Variants in PSG8 observed in about 807,000 individuals in gnomAD.
The protein encoded by PSG8 is pregnancy-specific beta-1-glycoprotein 8.
PSG8 carries 57 observed loss-of-function variants against 42.5 expected under a neutral mutation model. The observed-to-expected ratio is 1.34, with a 90% CI of 1.08 to 1.67. The LOEUF (loss-of-function observed/expected upper bound fraction) is 1.67. Ranked by LOEUF, PSG8 falls within the 40% of genes most tolerant of loss-of-function variation. The pLI, the probability that PSG8 is intolerant of heterozygous loss-of-function variation, is 0.00. For missense variants in PSG8, 783 were observed against 518.6 expected, an observed-to-expected ratio of 1.51 and a Z score of -4.95; for synonymous variants, 280 against 196.8, an observed-to-expected ratio of 1.42 and a Z score of -3.54.
At chr19:42,760,274 G>A (rs1970039615) in intron 2 of PSG8, among the ~76,000 whole-genome samples, 1 of 152,072 alleles carries the variant, frequency 6.6e-6, no homozygotes, top group Non-Finnish European at 1.5e-5. Context: ...ATGTGGCAAA[G>A]GCAGTAAAAC....
chr19:42,753,299 G>A (rs1300290278), downstream of PSG8: 2 of 780,234 alleles, frequency 2.6e-6, no homozygotes, highest in Non-Finnish European at 4.8e-6. Context: ...TTCTGGAACA[G>A]AGTGGGTCTT....
downstream of PSG8, chr19:42,754,006 C>G (rs774563065): frequency 1.3e-6 from 1 of 773,898 alleles, no homozygotes; most frequent in East Asian, 3.5e-5. Context: ...AGAAAAATTC[C>G]GTCAATGTAG....
At chr19:42,758,947 G>A (rs748164162) in intron 2 of PSG8, 27 of 155,074 alleles carry the variant, frequency 1.7e-4, no homozygotes, top group Admixed American at 3.7e-4. Context: ...ATGACCTACA[G>A]AGAGTGAAGG....
chr19:42,755,706 G>C (rs1969907769), intron 3 of PSG8: 1 of 214,690 alleles, frequency 4.7e-6, no homozygotes, highest in African/African-American at 2.3e-5. Flanking sequence ...TTCTAGAGAT[G>C]AGTAATGATG....
chr19:42,754,578 T>C lies in PSG8; in HGVS notation c.998A>G (p.Asp333Gly), dbSNP rs1969867220. The part of the protein sequence containing the change: ...PVTLNVLYGP[D>G]LPRIYPSFTY... ...GAATGAAGGGTAAATTCTGGGGAGG[T>C]CTGGACCATCTGGAGCAAAGAGAAT... The change falls in exon 5 of 5, where the codon GAC becomes GGC. Residue 333 changes from aspartate to glycine, a missense_variant. Asp to Gly is a moderately conservative substitution (Grantham distance 94, BLOSUM62 -1). Transcript: ENST00000306511. 2.5e-6 allele frequency: 4 copies of C among 1,611,096 alleles called. No homozygotes were observed. The highest frequency in any genetic ancestry group is 3.4e-6 in the Non-Finnish European group (4 of 1,178,234).
intron 3 of PSG8, 186 bp from the exon 4 acceptor site, chr19:42,755,452 G>T: frequency 7.9e-7 from 1 of 1,266,466 alleles, no homozygotes; most frequent in East Asian, 2.4e-5. Flanking sequence ...GAGGCCAGCT[G>T]CTCTGTCTTA....
At chr19:42,752,811 T>C (rs1442765588), downstream of PSG8, 1 of 190,440 alleles carries the variant, frequency 5.3e-6, no homozygotes, top group Non-Finnish European at 1.1e-5. Context: ...GACTCTATTA[T>C]AATTTCAGCT....
At chr19:42,759,312 A>G (rs1970014142) in intron 2 of PSG8, among the ~76,000 whole-genome samples, 1 of 152,146 alleles carries the variant, frequency 6.6e-6, no homozygotes, top group Non-Finnish European at 1.5e-5. Flanking sequence ...AGGAGTTTCT[A>G]CGAGCTGGGA....
At chr19:42,753,218 G>A, downstream of PSG8, 1 of 772,748 alleles carries the variant, frequency 1.3e-6, no homozygotes, top group Non-Finnish European at 2.4e-6. Flanking sequence ...AGTTCTGAGT[G>A]GCTCACCCTT....
chr19:42,763,421 T>C (rs2122280350), intron 2 of PSG8, among the ~76,000 whole-genome samples: 1 of 152,266 alleles, frequency 6.6e-6, no homozygotes. Flanking sequence ...CTCTGACAGC[T>C]GGTAAATCCT....
At chr19:42,765,157 C>CTTT (rs553763507) in intron 1 of PSG8, among the ~76,000 whole-genome samples, 1 of 143,174 alleles carries the variant, frequency 7.0e-6, no homozygotes, top group Non-Finnish European at 1.5e-5. Flanking sequence ...TCTTTTTTCT[C>CTTT]TTTTTTTTTT....
Position 42,755,258 on chromosome 19 carries a change from G to C in PSG8, c.718C>G (p.Pro240Ala), listed in dbSNP as rs750634211. ...PFTLNLLPKL[P>A]KPYITINNLK... Reference sequence around the variant, plus strand: ...TTGTTGATGGTGATGTAGGGCTTGGGCAGCTTCGCTGTGTGGATAACAGAG... The same window carrying C: ...TTGTTGATGGTGATGTAGGGCTTGGCCAGCTTCGCTGTGTGGATAACAGAG... Residue 240 changes from proline (P) to alanine (A), a missense_variant, in exon 4 of 5, where the codon CCC becomes GCC. Coordinates refer to ENST00000306511, the MANE Select transcript of PSG8 (RefSeq NM_182707.3). 5 of 1,612,042 alleles carry C rather than the reference G, an allele frequency of 3.1e-6. No individual in the cohort carries two copies. Among genetic ancestry groups the C allele is most frequent in the Non-Finnish European group, 4.2e-6 (5 of 1,179,732 alleles).
rs575796135 is a variant in PSG8 at position 42,762,494 on chromosome 19, T to C, written c.430+1422A>G. Among the ~76,000 whole-genome samples the C allele has an allele frequency of 7.2e-5, 11 of 152,126 alleles. No individual in the cohort carries two copies. In the East Asian group the frequency reaches 1.2e-3, roughly 16 times the overall value. ...AACTCCTAGGATTCTGCATGCAAAT[T>C]CAGTCTCTAAAGAGGTTTTGGATCA... On this transcript the variant is annotated intron_variant, in intron 2 of 4. Coordinates refer to ENST00000306511, the MANE Select transcript of PSG8 (RefSeq NM_182707.3).
chr19:42,754,294 C>G lies in PSG8; in HGVS notation c.*1G>C. On this transcript the variant is annotated 3_prime_UTR_variant, in exon 5 of 5. Coordinates refer to ENST00000306511, the MANE Select transcript of PSG8 (RefSeq NM_182707.3). ...TTCCCTGAAGGCCAGATAGACTCCA[C>G]CTAAATCCCTATTGCCAAGGATACT... 6.2e-7 allele frequency: 1 copy of G among 1,613,084 alleles called. No homozygotes were observed. Among genetic ancestry groups the G allele is most frequent in the Non-Finnish European group, 8.5e-7 (1 of 1,179,554 alleles).
At chr19:42,760,033 A>G (rs1970033636) in intron 2 of PSG8, among the ~76,000 whole-genome samples, 2 of 152,196 alleles carry the variant, frequency 1.3e-5, no homozygotes, top group African/African-American at 4.8e-5. Flanking sequence ...TAGTAAATAT[A>G]GAAAGAACTC....
intron 2 of PSG8, among the ~76,000 whole-genome samples, chr19:42,762,163 G>A (rs1970093479): frequency 1.3e-5 from 2 of 151,778 alleles, no homozygotes; most frequent in African/African-American, 4.9e-5. Flanking sequence ...CCTAGGGGTG[G>A]GGGAAGAAGC....
intron 2 of PSG8, among the ~76,000 whole-genome samples, chr19:42,762,979 G>A (rs541526235): frequency 6.6e-6 from 1 of 152,158 alleles, no homozygotes; most frequent in African/African-American, 2.4e-5. Context: ...TCTGGCTCAG[G>A]GACTGTGTCT....
chr19:42,755,561 C>T (rs368681440), intron 3 of PSG8: 5 of 582,150 alleles, frequency 8.6e-6, no homozygotes, highest in African/African-American at 3.7e-5. Context: ...CCTCCCAGTC[C>T]CTCCCTAATC....
intron 2 of PSG8, among the ~76,000 whole-genome samples, chr19:42,760,829 G>T (rs939194471): frequency 6.6e-6 from 1 of 152,066 alleles, no homozygotes. Context: ...TGCCCGCCTC[G>T]GCCTCCGAAA....
Sources: gnomAD v4.1 joint callset for allele counts (sites outside exome capture counted in the v4.1 genomes callset) on GRCh38, gnomAD v4.1.1 for gene constraint, MANE v1.5 for transcripts, NCBI Gene and HGNC (gene_info 2026-07-23, HGNC 2026-07-21) for gene names.